The following PUDP variants were observed in gnomAD, a reference collection of about 807,000 sequenced individuals.
The protein encoded by PUDP is pseudouridine 5'-phosphatase.
A neutral mutation model predicts 9.4 loss-of-function variants in PUDP; 8 were observed. The ratio of observed to expected loss-of-function variants is 0.85; its 90% CI spans 0.50 to 1.53. The LOEUF (loss-of-function observed/expected upper bound fraction) is 1.53, where lower values mean the gene tolerates loss of function less well. Ranked by LOEUF, PUDP falls within the 40% of genes most tolerant of loss-of-function variation. The probability of loss-of-function intolerance (pLI) is 0.00; values close to 1 mark genes in which losing one functional copy is unlikely to be tolerated. For missense variants in PUDP, 188 were observed against 189.7 expected (o/e 0.99, Z 0.05); for synonymous variants, 99 against 80.7 (o/e 1.23, Z -1.22).
In PUDP at chrX:6,857,149, A is replaced by G. The variant is rs555526492; in HGVS notation, c.*247+119984T>C. On this transcript the variant is annotated intron_variant and NMD_transcript_variant, in intron 3 of 3. Coordinates refer to the PUDP transcript ENST00000655425. ...TATTTGTTCAAAAAAAGCAAACAAA[A>G]CAACAACACTCTACCAAGAGCATTT... 2.7e-5 allele frequency among the ~76,000 whole-genome samples: 3 copies of G among 111,863 alleles called. No individual in the cohort carries two copies. The South Asian group carries it at 1.1e-3, about 41-fold the overall frequency.
At chrX:6,974,493 A>G (rs1455335205) in intron 3 of PUDP, among the ~76,000 whole-genome samples, 1 of 112,051 alleles carries the variant, frequency 8.9e-6, no homozygotes. Context: ...TGGATATGAA[A>G]TTCTGGGTTG....
intron 3 of PUDP, among the ~76,000 whole-genome samples, chrX:6,881,998 G>A (rs1316999368): frequency 5.1e-5 from 5 of 97,275 alleles, no homozygotes; most frequent in Non-Finnish European, 8.1e-5. Flanking sequence ...TTTTTGAGAC[G>A]GAGTCTTGCT....
chrX:6,777,481 T>C (rs777860946), intron 3 of PUDP, among the ~76,000 whole-genome samples: 2 of 112,554 alleles, frequency 1.8e-5, no homozygotes, highest in Non-Finnish European at 3.7e-5. Flanking sequence ...CTCTGAATTC[T>C]TTAGGGATCT....
rs184261117 is a variant in PUDP at position 6,982,987 on chromosome X, A to C, written c.205-4644T>G. ...AAATGTGGTCCATCCATACAATGGA[A>C]TATGATCCAGCCACAAAAAAGAATG... On this transcript the variant is annotated intron_variant and NMD_transcript_variant, in intron 1 of 3. Transcript: ENST00000655425. Among the ~76,000 whole-genome samples, 1,010 of 112,577 alleles carry C rather than the reference A, an allele frequency of 9.0e-3. 8 individuals carry two copies. Among genetic ancestry groups the C allele is most frequent in the Middle Eastern group, 0.037 (8 of 219 alleles).
intron 1 of PUDP, among the ~76,000 whole-genome samples, chrX:6,712,340 G>A (rs929823125): frequency 9.0e-6 from 1 of 111,049 alleles, no homozygotes; most frequent in African/African-American, 3.3e-5. Context: ...TAGTAGAGAC[G>A]GGTTTTTGCC....
intron 3 of PUDP, among the ~76,000 whole-genome samples, chrX:7,060,690 C>T (rs940660002): frequency 8.9e-6 from 1 of 112,653 alleles, no homozygotes; most frequent in East Asian, 2.8e-4. Context: ...GCATGACTCA[C>T]GTCAATGCAA....
intron 3 of PUDP, among the ~76,000 whole-genome samples, chrX:6,861,755 A>G (rs370978760): frequency 1.8e-5 from 2 of 110,891 alleles, no homozygotes; most frequent in South Asian, 7.9e-4. Context: ...GTGAGAGAGA[A>G]GAAGTAAAGA....
chrX:6,981,931 C>A (rs1273614364), intron 1 of PUDP, among the ~76,000 whole-genome samples: 1 of 108,793 alleles, frequency 9.2e-6, no homozygotes, highest in Non-Finnish European at 1.9e-5. Flanking sequence ...TGGTGACTGG[C>A]AATTCTGTTC....
intron 1 of PUDP, among the ~76,000 whole-genome samples, chrX:7,014,592 C>A (rs1348494929): frequency 1.8e-5 from 2 of 111,707 alleles, no homozygotes; most frequent in Non-Finnish European, 3.8e-5. Flanking sequence ...ATTACCTCCA[C>A]CACTCCCCAG....
In PUDP at chrX:6,716,592, T is replaced by C. The variant is rs755507449; in HGVS notation, n.128+4825A>G. On this transcript the variant is annotated intron_variant and non_coding_transcript_variant, in intron 1 of 2. Coordinates refer to the PUDP transcript ENST00000438499. ...TTCCCTTCTTTACCAAGTCTCTGAATTTCTGAAATTTGCTTTTCCTTTAAA... is the reference window on the plus strand; with the variant it reads ...TTCCCTTCTTTACCAAGTCTCTGAACTTCTGAAATTTGCTTTTCCTTTAAA... Among the ~76,000 whole-genome samples, 174 of 111,383 alleles carry C rather than the reference T, an allele frequency of 1.6e-3. 2 individuals are homozygous for C. The highest frequency in any genetic ancestry group is 4.6e-3 in the Middle Eastern group (1 of 218).
At chrX:7,119,972 GCTTT>G (rs1932296211) in intron 1 of PUDP, among the ~76,000 whole-genome samples, 1 of 111,753 alleles carries the variant, frequency 8.9e-6, no homozygotes, top group Non-Finnish European at 1.9e-5. Context: ...GGATAAAGGG[GCTTT>G]CTTCAAAATT....
intron 3 of PUDP, among the ~76,000 whole-genome samples, chrX:6,772,784 A>C (rs186749687): frequency 2.7e-3 from 302 of 109,932 alleles, no homozygotes; most frequent in Non-Finnish European, 4.7e-3. Flanking sequence ...AAATTAAAAC[A>C]AACAAACAAA....
chrX:6,841,693 A>G (rs1192148586), intron 3 of PUDP, among the ~76,000 whole-genome samples: 1 of 112,470 alleles, frequency 8.9e-6, no homozygotes, highest in African/African-American at 3.2e-5. Context: ...AGTTATTGAG[A>G]TGTGCATAAA....
At chrX:6,967,869 T>C (rs182034879) in intron 3 of PUDP, among the ~76,000 whole-genome samples, 206 of 112,052 alleles carry the variant, frequency 1.8e-3, no homozygotes, top group African/African-American at 6.0e-3. Flanking sequence ...CTTATTTGAC[T>C]GTAGATCCTA....
intron 3 of PUDP, among the ~76,000 whole-genome samples, chrX:6,739,493 C>G (rs943632159): frequency 1.8e-5 from 2 of 111,123 alleles, no homozygotes; most frequent in Middle Eastern, 4.7e-3. Flanking sequence ...TTTTGGTTGT[C>G]GCAACTGGAA....
intron 1 of PUDP, among the ~76,000 whole-genome samples, chrX:7,022,233 A>G (rs1929643406): frequency 8.9e-6 from 1 of 111,822 alleles, no homozygotes; most frequent in Non-Finnish European, 1.9e-5. Flanking sequence ...GATGCAGCAC[A>G]TGATGATCTC....
chrX:6,889,101 A>G (rs1447661434), intron 3 of PUDP, among the ~76,000 whole-genome samples: 1 of 112,107 alleles, frequency 8.9e-6, no homozygotes, highest in African/African-American at 3.2e-5. Context: ...ACTGTGAATC[A>G]TTACACAAGA....
Position 7,098,755 on chromosome X carries a change from C to T in PUDP, c.280+6865G>A, listed in dbSNP as rs757944286. Among the ~76,000 whole-genome samples, 5 of 111,450 alleles carry T rather than the reference C, an allele frequency of 4.5e-5. No homozygotes were observed. The South Asian group carries it at 1.9e-3, about 42-fold the overall frequency. On this transcript the variant is annotated intron_variant, in intron 2 of 3. Coordinates refer to ENST00000381077, the MANE Select transcript of PUDP (RefSeq NM_012080.5). Reference sequence around the variant, plus strand: ...TCCAGGGGGCCAGGGTTCTAGTTTGCTTTTTCTGCTCCAGATGGTCTGAGA... The same window carrying T: ...TCCAGGGGGCCAGGGTTCTAGTTTGTTTTTTCTGCTCCAGATGGTCTGAGA...
At chrX:7,006,891 G>A (rs1929410383) in intron 1 of PUDP, among the ~76,000 whole-genome samples, 1 of 111,469 alleles carries the variant, frequency 9.0e-6, no homozygotes, top group Non-Finnish European at 1.9e-5. Context: ...CAAGTAAGCA[G>A]AAAAATAGAT....
Sources: gnomAD v4.1 joint callset for allele counts (sites outside exome capture counted in the v4.1 genomes callset) on GRCh38, gnomAD v4.1.1 for gene constraint, MANE v1.5 for transcripts, NCBI Gene and HGNC (gene_info 2026-07-23, HGNC 2026-07-21) for gene names.